The following CTNND2 variants were observed in gnomAD, a reference collection of about 807,000 sequenced individuals.
CTNND2 encodes the protein catenin delta-2.
Under a neutral mutation model 144.4 loss-of-function variants are expected in CTNND2, and 22 were observed. That is an observed-to-expected ratio of 0.15 (90% CI 0.11 to 0.22). CTNND2 has a LOEUF of 0.22. Among genes scored for constraint, CTNND2 ranks in the 10% least tolerant of loss-of-function variants. The probability of loss-of-function intolerance (pLI) is 1.00; values close to 1 mark genes in which losing one functional copy is unlikely to be tolerated. For synonymous variants in CTNND2, 751 were observed against 695.6 expected (o/e 1.08, Z -1.25); for missense variants, 1,353 against 1,618.8 (o/e 0.84, Z 2.82).
At chr5:11,254,705 T>A (rs542367031) in intron 9 of CTNND2, among the ~76,000 whole-genome samples, 1 of 152,236 alleles carries the variant, frequency 6.6e-6, no homozygotes, top group Admixed American at 6.5e-5. Flanking sequence ...TCAAGAAGTA[T>A]GAAATGTATA....
chr5:11,645,512 AT>A (rs1782300584), intron 2 of CTNND2, among the ~76,000 whole-genome samples: 1 of 152,226 alleles, frequency 6.6e-6, no homozygotes, highest in Admixed American at 6.5e-5. Context: ...TTATACGTGA[AT>A]GATTCCTTAT....
In CTNND2 at chr5:11,441,509, G is replaced by C. The variant is rs538309138; in HGVS notation, c.288-29440C>G. 1.2e-4 allele frequency among the ~76,000 whole-genome samples: 18 copies of C among 151,068 alleles called. No homozygotes were observed. The East Asian group carries it at 1.6e-3, about 13-fold the overall frequency. On this transcript the variant is annotated intron_variant, in intron 3 of 21. Transcript: ENST00000304623. ...TTCTCCTGCCTCAGCCTCCTGAGTA[G>C]CTGGGATTACAGGCGCCCGCCACCA...
intron 1 of CTNND2, among the ~76,000 whole-genome samples, chr5:11,830,828 C>T (rs1486939063): frequency 6.6e-6 from 1 of 151,816 alleles, no homozygotes; most frequent in Non-Finnish European, 1.5e-5. Flanking sequence ...TTAAACAGAC[C>T]TGATGTGGCC....
chr5:11,447,084 T>G (rs191884527), intron 3 of CTNND2, among the ~76,000 whole-genome samples: 2 of 152,180 alleles, frequency 1.3e-5, no homozygotes, highest in African/African-American at 4.8e-5. Context: ...GTCCCTTCTA[T>G]AAGACACCTT....
chr5:10,976,169 G>T (rs1340339251), intron 21 of CTNND2, among the ~76,000 whole-genome samples: 1 of 152,102 alleles, frequency 6.6e-6, no homozygotes, highest in Non-Finnish European at 1.5e-5. Flanking sequence ...TTGCTCTTGT[G>T]GTATCTTGTG....
chr5:11,833,052 T>C (rs1336307421), intron 1 of CTNND2, among the ~76,000 whole-genome samples: 1 of 152,276 alleles, frequency 6.6e-6, no homozygotes, highest in East Asian at 1.9e-4. Flanking sequence ...ATCTTGGAAA[T>C]GGAAAAGTGG....
At chr5:11,338,714 T>G (rs1753957971) in intron 9 of CTNND2, among the ~76,000 whole-genome samples, 1 of 152,156 alleles carries the variant, frequency 6.6e-6, no homozygotes, top group Admixed American at 6.6e-5. Flanking sequence ...GAGTTGTTAT[T>G]TTGGAATGCA....
intron 1 of CTNND2, among the ~76,000 whole-genome samples, chr5:11,788,173 T>C (rs1790933121): frequency 6.6e-6 from 1 of 152,200 alleles, no homozygotes; most frequent in Non-Finnish European, 1.5e-5. Context: ...TTAAATTTTT[T>C]AAAACTAAAA....
chr5:11,582,879 A>G (rs1778549308), intron 2 of CTNND2, among the ~76,000 whole-genome samples: 1 of 152,180 alleles, frequency 6.6e-6, no homozygotes, highest in Admixed American at 6.5e-5. Flanking sequence ...TAGCACAGAA[A>G]ACAGCCTCTG....
chr5:11,631,045 G>A (rs1323046144), intron 2 of CTNND2, among the ~76,000 whole-genome samples: 2 of 151,868 alleles, frequency 1.3e-5, no homozygotes, highest in African/African-American at 4.8e-5. Context: ...TCACTAAATA[G>A]AGAGATCAAT....
intron 3 of CTNND2, among the ~76,000 whole-genome samples, chr5:11,546,914 C>T (rs898163438): frequency 3.8e-4 from 57 of 151,778 alleles, no homozygotes; most frequent in African/African-American, 1.3e-3. Context: ...AGCTACTTTA[C>T]GTGAAAAAAA....
At chr5:11,201,904 T>C (rs1243433494) in intron 10 of CTNND2, among the ~76,000 whole-genome samples, 1 of 152,240 alleles carries the variant, frequency 6.6e-6, no homozygotes, top group East Asian at 1.9e-4. Flanking sequence ...TATAGGTGTC[T>C]TGTTCATGTA....
intron 3 of CTNND2, among the ~76,000 whole-genome samples, chr5:11,503,963 A>G (rs1054931288): frequency 3.3e-5 from 5 of 152,232 alleles, no homozygotes; most frequent in African/African-American, 1.2e-4. Context: ...ACAAAGAAAA[A>G]AACTGCATGA....
At chr5:11,302,660 T>C (rs549865836) in intron 9 of CTNND2, among the ~76,000 whole-genome samples, 2 of 152,270 alleles carry the variant, frequency 1.3e-5, no homozygotes, top group Admixed American at 1.3e-4. Flanking sequence ...TGTCAGGTAA[T>C]GGAGAAGAAA....
chr5:11,697,299 A>C (rs1561704620), intron 2 of CTNND2, among the ~76,000 whole-genome samples: 4 of 152,328 alleles, frequency 2.6e-5, no homozygotes, highest in Middle Eastern at 3.4e-3. Flanking sequence ...CCTTAACAGT[A>C]TATAAAAGTT....
intron 2 of CTNND2, among the ~76,000 whole-genome samples, chr5:11,683,460 C>T (rs994954388): frequency 6.6e-6 from 1 of 152,168 alleles, no homozygotes; most frequent in African/African-American, 2.4e-5. Flanking sequence ...TACTCATGAT[C>T]CAGTATAAAG....
At chr5:11,670,719 T>A (rs1336390049) in intron 2 of CTNND2, among the ~76,000 whole-genome samples, 1 of 152,202 alleles carries the variant, frequency 6.6e-6, no homozygotes, top group Non-Finnish European at 1.5e-5. Flanking sequence ...GGGTCTTGAC[T>A]CTTTATCCAA....
intron 8 of CTNND2, among the ~76,000 whole-genome samples, chr5:11,349,028 T>C (rs920458124): frequency 6.6e-6 from 1 of 152,166 alleles, no homozygotes; most frequent in Non-Finnish European, 1.5e-5. Context: ...GAGAACTGGT[T>C]CCTGTCCTGG....
rs77481383 is a variant in CTNND2 at position 11,662,885 on chromosome 5, T to C, written c.174+69251A>G. 3.9e-3 allele frequency among the ~76,000 whole-genome samples: 591 copies of C among 152,236 alleles called. 6 individuals are homozygous for C. Among genetic ancestry groups the C allele is most frequent in the African/African-American group, 0.013 (541 of 41,544 alleles). On this transcript the variant is annotated intron_variant, in intron 2 of 21. Transcript: ENST00000304623. Reference sequence around the variant, plus strand: ...GCCATGGTGTCGAAAAGGCTGGAGATTTCTGGTCTACATGAAAGCTGCCAG... The same window carrying C: ...GCCATGGTGTCGAAAAGGCTGGAGACTTCTGGTCTACATGAAAGCTGCCAG...
Sources: allele counts gnomAD v4.1 joint callset (sites outside exome capture counted in the v4.1 genomes callset), GRCh38; gene constraint gnomAD v4.1.1; transcripts MANE v1.5; gene names NCBI Gene and HGNC (gene_info 2026-07-23, HGNC 2026-07-21).